KCNQ3: variants seen among roughly 807,000 people sequenced by gnomAD.
The protein encoded by KCNQ3 is potassium voltage-gated channel subfamily KQT member 3.
Under a neutral mutation model 92.5 loss-of-function variants are expected in KCNQ3, and 30 were observed. The ratio of observed to expected loss-of-function variants is 0.32; its 90% CI spans 0.24 to 0.44. KCNQ3 has a LOEUF of 0.44. Ranked by LOEUF, KCNQ3 falls within the 20% of genes least tolerant of loss-of-function variation. The pLI, the probability that KCNQ3 is intolerant of heterozygous loss-of-function variation, is 1.00. For missense variants in KCNQ3, 913 were observed against 1,140.3 expected, an observed-to-expected ratio of 0.80 and a Z score of 2.87; for synonymous variants, 450 against 468.8, an observed-to-expected ratio of 0.96 and a Z score of 0.52.
intron 1 of KCNQ3, among the ~76,000 whole-genome samples, chr8:132,249,626 G>T (rs1336256038): frequency 6.6e-6 from 1 of 152,224 alleles, no homozygotes. Context: ...GCCACAGGCT[G>T]AGCTGCCCGC....
At chr8:132,435,633 A>G (rs1360551501) in intron 1 of KCNQ3, among the ~76,000 whole-genome samples, 1 of 152,242 alleles carries the variant, frequency 6.6e-6, no homozygotes, top group African/African-American at 2.4e-5. Flanking sequence ...AGTAGTGAAC[A>G]GGAGCTCAAG....
At chr8:132,385,322 A>G (rs555636890) in intron 1 of KCNQ3, among the ~76,000 whole-genome samples, 107 of 152,342 alleles carry the variant, frequency 7.0e-4, no homozygotes, top group Non-Finnish European at 1.3e-3. Context: ...TTCCTTAGAA[A>G]TAGCATGCAT....
chr8:132,165,215 C>T (rs774119645), intron 8 of KCNQ3, among the ~76,000 whole-genome samples: 3 of 152,166 alleles, frequency 2.0e-5, no homozygotes, highest in Non-Finnish European at 4.4e-5. Context: ...TGAGATTGCT[C>T]TAGCCAAAGC....
chr8:132,205,330 C>T (rs1255807421), intron 1 of KCNQ3, among the ~76,000 whole-genome samples: 1 of 152,234 alleles, frequency 6.6e-6, no homozygotes. Context: ...AACCAAAGTC[C>T]ATTCAGCTTT....
At chr8:132,306,415 T>G (rs1817423473) in intron 1 of KCNQ3, among the ~76,000 whole-genome samples, 5 of 152,208 alleles carry the variant, frequency 3.3e-5, no homozygotes, top group Admixed American at 3.3e-4. Flanking sequence ...TGATCATCCA[T>G]CTCTGGCTTC....
chr8:132,424,810 A>C (rs1194832503), intron 1 of KCNQ3, among the ~76,000 whole-genome samples: 1 of 152,200 alleles, frequency 6.6e-6, no homozygotes. Context: ...TTTCTGGCCC[A>C]GTCTTCACAT....
chr8:132,443,681 G>T (rs1021985417), intron 1 of KCNQ3, among the ~76,000 whole-genome samples: 3 of 152,050 alleles, frequency 2.0e-5, no homozygotes, highest in African/African-American at 4.8e-5. Context: ...GAACTACTGG[G>T]GTAGATGTTT....
At chr8:132,251,317 A>T (rs1459749835) in intron 1 of KCNQ3, among the ~76,000 whole-genome samples, 2 of 152,168 alleles carry the variant, frequency 1.3e-5, no homozygotes, top group Non-Finnish European at 2.9e-5. Context: ...GCCTTCATTG[A>T]ACTGCAAGAA....
chr8:132,252,966 G>T (rs1815465592), intron 1 of KCNQ3, among the ~76,000 whole-genome samples: 3 of 152,182 alleles, frequency 2.0e-5, no homozygotes, highest in Admixed American at 2.0e-4. Context: ...ATTCCTAGCT[G>T]TTAAGAGGTC....
intron 1 of KCNQ3, among the ~76,000 whole-genome samples, chr8:132,335,804 T>C (rs1011201402): frequency 4.6e-5 from 7 of 152,184 alleles, no homozygotes; most frequent in Non-Finnish European, 8.8e-5. Context: ...GGGAAAAGAA[T>C]CTACTTCCTC....
At chr8:132,357,805 A>G (rs1197934434) in intron 1 of KCNQ3, among the ~76,000 whole-genome samples, 1 of 152,176 alleles carries the variant, frequency 6.6e-6, no homozygotes, top group African/African-American at 2.4e-5. Context: ...CCACTGGTCC[A>G]TCTCAACCTA....
At chr8:132,463,143 T>C (rs1822099868) in intron 1 of KCNQ3, among the ~76,000 whole-genome samples, 1 of 152,198 alleles carries the variant, frequency 6.6e-6, no homozygotes, top group Non-Finnish European at 1.5e-5. Flanking sequence ...ACTAATTTAG[T>C]GGGATTAAAA....
intron 1 of KCNQ3, among the ~76,000 whole-genome samples, chr8:132,369,455 T>A (rs1819410786): frequency 6.6e-6 from 1 of 152,112 alleles, no homozygotes; most frequent in Non-Finnish European, 1.5e-5. Context: ...CACCCCATTG[T>A]CCAATAAAAG....
At chr8:132,417,690 T>C (rs1385455322) in intron 1 of KCNQ3, among the ~76,000 whole-genome samples, 2 of 152,184 alleles carry the variant, frequency 1.3e-5, no homozygotes, top group Non-Finnish European at 2.9e-5. Context: ...ATTCATTCAT[T>C]CATTCATTCA....
At chr8:132,319,963 T>C (rs1817853804) in intron 1 of KCNQ3, among the ~76,000 whole-genome samples, 1 of 152,244 alleles carries the variant, frequency 6.6e-6, no homozygotes, top group South Asian at 2.1e-4. Flanking sequence ...GTGGCTAGCC[T>C]TGGACAAACT....
At chr8:132,224,510 T>C (rs1814342792) in intron 1 of KCNQ3, among the ~76,000 whole-genome samples, 1 of 152,162 alleles carries the variant, frequency 6.6e-6, no homozygotes, top group Admixed American at 6.5e-5. Flanking sequence ...CCCTACTGAT[T>C]GGTCTCCACT....
chr8:132,476,555 C>T (rs1009529617), intron 1 of KCNQ3, among the ~76,000 whole-genome samples: 5 of 152,238 alleles, frequency 3.3e-5, no homozygotes, highest in Admixed American at 1.3e-4. Context: ...AATGCATGCC[C>T]TGCTGGGTTA....
intron 1 of KCNQ3, among the ~76,000 whole-genome samples, chr8:132,376,950 G>C (rs796639709): frequency 2.0e-5 from 3 of 152,336 alleles, no homozygotes; most frequent in African/African-American, 7.2e-5. Flanking sequence ...ATGAGGAAGA[G>C]ACTGAGCTAT....
At chr8:132,429,722 C>T (rs1045752950) in intron 1 of KCNQ3, among the ~76,000 whole-genome samples, 10 of 151,878 alleles carry the variant, frequency 6.6e-5, no homozygotes, top group Admixed American at 2.0e-4. Flanking sequence ...ATTAGCCAGG[C>T]GTGGTGGCAG....
Sources: allele counts gnomAD v4.1 joint callset (sites outside exome capture counted in the v4.1 genomes callset), GRCh38; gene constraint gnomAD v4.1.1; transcripts MANE v1.5; gene names NCBI Gene and HGNC (gene_info 2026-07-23, HGNC 2026-07-21).